GLRX3: variants seen among roughly 807,000 people sequenced by gnomAD.
GLRX3 encodes glutaredoxin 3, also known as glutaredoxin-3.
GLRX3 carries 22 observed loss-of-function variants against 49.5 expected under a neutral mutation model. The observed-to-expected ratio is 0.44, with a 90% CI of 0.32 to 0.63. GLRX3 has a LOEUF of 0.63. Among genes scored for constraint, GLRX3 ranks in the 30% least tolerant of loss-of-function variants. The probability of loss-of-function intolerance (pLI) is 0.05; values close to 1 mark genes in which losing one functional copy is unlikely to be tolerated. For missense variants in GLRX3, 385 were observed against 396.3 expected, an observed-to-expected ratio of 0.97 and a Z score of 0.24; for synonymous variants, 133 against 140.0, an observed-to-expected ratio of 0.95 and a Z score of 0.35.
chr10:130,150,871 G>GA, intron 2 of GLRX3, among the ~76,000 whole-genome samples: 1 of 151,616 alleles, frequency 6.6e-6, no homozygotes, highest in African/African-American at 2.4e-5. Context: ...GCATATGTTG[G>GA]ATTTCATTCT....
At chr10:130,148,321 C>T (rs920805986) in intron 2 of GLRX3, among the ~76,000 whole-genome samples, 4 of 151,138 alleles carry the variant, frequency 2.6e-5, no homozygotes, top group African/African-American at 7.3e-5. Flanking sequence ...TGTAGCGATA[C>T]GGTTTCACCA....
intron 2 of GLRX3, 28 bp downstream of exon 2, chr10:130,145,347 T>C: frequency 1.9e-6 from 2 of 1,026,080 alleles, no homozygotes; most frequent in Non-Finnish European, 3.1e-6. Context: ...TCATGTCTTT[T>C]GTGAATTTAA....
intron 8 of GLRX3, 48 bp from the exon 9 acceptor site, chr10:130,174,819 C>A: frequency 8.1e-7 from 1 of 1,237,564 alleles, no homozygotes; most frequent in Non-Finnish European, 1.2e-6. Context: ...AGGTTTTACA[C>A]TTTGATTTAA....
rs900518375 is a variant in GLRX3, at chr10:130,163,570, A to G, written c.478+2573A>G. ...GTACTTCTATATAATTTTTATAACT[A>G]CATTTTCAGTGGGTTTTTCTGTTTC... On this transcript the variant is annotated intron_variant, in intron 4 of 10. Coordinates refer to ENST00000331244, the MANE Select transcript of GLRX3 (RefSeq NM_006541.5). Among the ~76,000 whole-genome samples the G allele has an allele frequency of 3.3e-5, 5 of 152,336 alleles. No homozygotes were observed. In the East Asian group the frequency reaches 7.7e-4, roughly 23 times the overall value.
rs1247306171 is a variant in GLRX3, at chr10:130,176,790, C to A, written c.957+1701C>A. 5.0e-4 allele frequency among the ~76,000 whole-genome samples: 68 copies of A among 135,706 alleles called. 1 individual carries two copies. The highest frequency in any genetic ancestry group is 6.2e-4 in the African/African-American group (23 of 36,900). 89.0% of individuals were successfully genotyped at this position (135,706 alleles called of 152,430 possible). On this transcript the variant is annotated intron_variant, in intron 10 of 10. Coordinates refer to ENST00000331244, the MANE Select transcript of GLRX3 (RefSeq NM_006541.5). ...CCTCCCTCTTTCTCTCTCTCTCTCT[C>A]TCTATATATATATATATAGTCTTAT... is the stretch of plus-strand genomic sequence containing the variant.
intron 2 of GLRX3, among the ~76,000 whole-genome samples, chr10:130,154,165 C>T (rs2134891066): frequency 6.6e-6 from 1 of 152,330 alleles, no homozygotes; most frequent in African/African-American, 2.4e-5. Context: ...ATCTCCTGGT[C>T]TGCCAGTTGC....
intron 7 of GLRX3, 83 bp downstream of exon 7, chr10:130,169,573 A>C (rs1476593834): frequency 1.1e-6 from 1 of 887,048 alleles, no homozygotes; most frequent in Non-Finnish European, 1.9e-6. Context: ...TCTTTTTCCT[A>C]GCTTTAGCTA....
In GLRX3 at chr10:130,166,425, T is replaced by C. The variant is rs2134912747; in HGVS notation, c.479-82T>C. ...AGGCGTCTATGTCTTTTAGATGATA[T>C]GTACGCTGAACTAATGTATTATCAT... On this transcript the variant is annotated intron_variant, in intron 4 of 10. Transcript: ENST00000331244. 4 of 932,512 alleles carry C rather than the reference T, an allele frequency of 4.3e-6. No homozygotes were observed. In the South Asian group the frequency reaches 4.6e-5, roughly 11 times the overall value. 57.8% of individuals were successfully genotyped at this position (932,512 alleles called of 1,614,324 possible).
At chr10:130,163,262 TA>T (rs61338610) in intron 4 of GLRX3, among the ~76,000 whole-genome samples, 5,768 of 152,054 alleles carry the variant, frequency 0.038, 208 homozygotes, top group East Asian at 0.1. Flanking sequence ...CCGTCTCTAC[TA>T]AAAATACAAA....
At chr10:130,144,150 A>G (rs573044816) in intron 1 of GLRX3, among the ~76,000 whole-genome samples, 9 of 152,316 alleles carry the variant, frequency 5.9e-5, no homozygotes, top group African/African-American at 2.2e-4. Flanking sequence ...CTCCATCACT[A>G]TACCACATTT....
At chr10:130,159,309 G>A (rs894774923) in intron 2 of GLRX3, among the ~76,000 whole-genome samples, 2 of 152,160 alleles carry the variant, frequency 1.3e-5, no homozygotes, top group Non-Finnish European at 2.9e-5. Context: ...TACTAAATGT[G>A]TTTTAAATTC....
intron 2 of GLRX3, 123 bp from the exon 3 acceptor site, chr10:130,159,872 T>C: frequency 7.5e-7 from 1 of 1,330,706 alleles, no homozygotes; most frequent in Non-Finnish European, 1.0e-6. Flanking sequence ...CATAAACTTT[T>C]GTACCATGCT....
At chr10:130,163,491 CAA>C (rs755345509) in intron 4 of GLRX3, among the ~76,000 whole-genome samples, 62 of 152,270 alleles carry the variant, frequency 4.1e-4, no homozygotes, top group Non-Finnish European at 7.1e-4. Flanking sequence ...TAATAAAAGA[CAA>C]TAAATATTTT....
chr10:130,141,709 C>T (rs181517810), intron 1 of GLRX3, among the ~76,000 whole-genome samples: 148 of 152,314 alleles, frequency 9.7e-4, no homozygotes, highest in Non-Finnish European at 1.6e-3. Context: ...CTCCTGTTGG[C>T]GGACATTTGG....
At chr10:130,136,820 C>T (rs1486708389) in intron 1 of GLRX3, among the ~76,000 whole-genome samples, 1 of 152,110 alleles carries the variant, frequency 6.6e-6, no homozygotes, top group Non-Finnish European at 1.5e-5. Context: ...GGCCTCTGGC[C>T]TGGGCGGCCC....
intron 2 of GLRX3, among the ~76,000 whole-genome samples, chr10:130,150,232 T>C (rs1244217545): frequency 7.6e-6 from 1 of 131,414 alleles, no homozygotes; most frequent in African/African-American, 2.9e-5. Context: ...AGAGCAAGAC[T>C]CCATCTCAAA....
intron 1 of GLRX3, among the ~76,000 whole-genome samples, chr10:130,139,952 T>A (rs1157693979): frequency 6.6e-6 from 1 of 152,164 alleles, no homozygotes; most frequent in African/African-American, 2.4e-5. Context: ...TGCCCGAATT[T>A]TAGTACTTGT....
At chr10:130,162,817 G>A (rs1202330508) in intron 4 of GLRX3, among the ~76,000 whole-genome samples, 3 of 152,170 alleles carry the variant, frequency 2.0e-5, no homozygotes, top group Non-Finnish European at 2.9e-5. Context: ...CACCCCTGCG[G>A]CCTTAGCAAC....
intron 9 of GLRX3, 27 bp from the exon 10 acceptor site, chr10:130,174,970 G>C: frequency 6.4e-7 from 1 of 1,571,926 alleles, no homozygotes; most frequent in Non-Finnish European, 8.8e-7. Context: ...TGATAGGATG[G>C]TTTCAGGATT....
Sources: allele counts gnomAD v4.1 joint callset (sites outside exome capture counted in the v4.1 genomes callset), GRCh38; gene constraint gnomAD v4.1.1; transcripts MANE v1.5; gene names NCBI Gene and HGNC (gene_info 2026-07-23, HGNC 2026-07-21).